The following KCNH8 variants were observed in gnomAD, a reference collection of about 807,000 sequenced individuals.
KCNH8 encodes the protein potassium voltage-gated channel subfamily H member 8, also known as voltage-gated delayed rectifier potassium channel KCNH8.
Under a neutral mutation model 103.6 loss-of-function variants are expected in KCNH8, and 70 were observed. That is an observed-to-expected ratio of 0.68 (90% CI 0.56 to 0.82). The LOEUF is 0.82. Ranked by LOEUF, KCNH8 falls within the 40% of genes least tolerant of loss-of-function variation. The probability of loss-of-function intolerance (pLI) is 0.00; values close to 1 mark genes in which losing one functional copy is unlikely to be tolerated. For missense variants in KCNH8, 1,217 were observed against 1,329.9 expected (o/e 0.92, Z 1.32); for synonymous variants, 498 against 489.4 (o/e 1.02, Z -0.23).
intron 2 of KCNH8, among the ~76,000 whole-genome samples, chr3:19,258,933 C>CTATA (rs2064383720): frequency 2.4e-5 from 2 of 83,540 alleles, no homozygotes; most frequent in African/African-American, 9.8e-5. Flanking sequence ...CTCTCTCTCT[C>CTATA]TCTCTCTCTC....
intron 5 of KCNH8, among the ~76,000 whole-genome samples, chr3:19,373,792 G>A (rs2066143547): frequency 1.3e-5 from 2 of 151,804 alleles, no homozygotes; most frequent in African/African-American, 4.8e-5. Flanking sequence ...GCGTCCCAGA[G>A]ATTCTGGTAT....
intron 1 of KCNH8, among the ~76,000 whole-genome samples, chr3:19,226,622 T>C (rs559951254): frequency 1.5e-5 from 2 of 134,106 alleles, no homozygotes; most frequent in African/African-American, 7.7e-5. Context: ...CACACATGCA[T>C]GCACACACAC....
At chr3:19,340,589 C>T (rs1487973588) in intron 3 of KCNH8, among the ~76,000 whole-genome samples, 1 of 151,828 alleles carries the variant, frequency 6.6e-6, no homozygotes, top group Non-Finnish European at 1.5e-5. Context: ...GAACAGTAGC[C>T]TTTTAGAAAG....
chr3:19,458,514 T>A (rs1172741144), intron 11 of KCNH8, among the ~76,000 whole-genome samples: 1 of 151,938 alleles, frequency 6.6e-6, no homozygotes, highest in East Asian at 1.9e-4. Context: ...TACAAAATGA[T>A]GTTTTCAAAT....
intron 3 of KCNH8, among the ~76,000 whole-genome samples, chr3:19,340,626 T>G (rs956402555): frequency 2.4e-4 from 37 of 152,172 alleles, no homozygotes; most frequent in African/African-American, 8.4e-4. Flanking sequence ...ATCCTTACTT[T>G]TTGTTACTAA....
intron 11 of KCNH8, among the ~76,000 whole-genome samples, chr3:19,490,434 T>C (rs2068294170): frequency 6.6e-6 from 1 of 152,158 alleles, no homozygotes; most frequent in African/African-American, 2.4e-5. Flanking sequence ...GCAGGGAGTA[T>C]GTGACTGGGG....
chr3:19,487,527 G>T (rs146654031), intron 11 of KCNH8, among the ~76,000 whole-genome samples: 1 of 152,114 alleles, frequency 6.6e-6, no homozygotes, highest in Non-Finnish European at 1.5e-5. Flanking sequence ...TCTGGGAACC[G>T]GATACTGCTT....
chr3:19,499,826 T>A (rs545028011), intron 11 of KCNH8, among the ~76,000 whole-genome samples: 1 of 152,254 alleles, frequency 6.6e-6, no homozygotes, highest in East Asian at 1.9e-4. Flanking sequence ...TACCAGCCGC[T>A]GCAAAATCAT....
At chr3:19,152,324 G>A (rs1020787058) in intron 1 of KCNH8, among the ~76,000 whole-genome samples, 14 of 152,026 alleles carry the variant, frequency 9.2e-5, no homozygotes, top group Non-Finnish European at 1.6e-4. Flanking sequence ...TAGTACAATT[G>A]TTTGTCACAG....
At chr3:19,355,139 T>C (rs903790047) in intron 5 of KCNH8, among the ~76,000 whole-genome samples, 18 of 152,090 alleles carry the variant, frequency 1.2e-4, no homozygotes, top group Admixed American at 2.0e-4. Flanking sequence ...AAAATGCTCA[T>C]CATCACTGGA....
At chr3:19,465,990 G>A (rs545143360) in intron 11 of KCNH8, among the ~76,000 whole-genome samples, 37 of 151,802 alleles carry the variant, frequency 2.4e-4, no homozygotes, top group Admixed American at 7.9e-4. Flanking sequence ...GCTGGAGTGC[G>A]GTGGCATGAT....
chr3:19,260,884 T>G (rs2064425173), intron 2 of KCNH8, among the ~76,000 whole-genome samples: 1 of 149,610 alleles, frequency 6.7e-6, no homozygotes, highest in Non-Finnish European at 1.5e-5. Flanking sequence ...CTGGCTTATT[T>G]CACTCAGTAT....
At chr3:19,323,877 G>A (rs1415155459) in intron 3 of KCNH8, among the ~76,000 whole-genome samples, 2 of 152,224 alleles carry the variant, frequency 1.3e-5, no homozygotes, top group African/African-American at 4.8e-5. Context: ...TGTCAGCCAT[G>A]GATGCCATCA....
chr3:19,496,406 G>C (rs968602769), intron 11 of KCNH8, among the ~76,000 whole-genome samples: 2 of 152,098 alleles, frequency 1.3e-5, no homozygotes, highest in African/African-American at 4.8e-5. Context: ...AACATGAAGT[G>C]ATGTTGAATT....
In KCNH8 at chr3:19,271,933, TA is replaced by T. The variant is rs2064594256; in HGVS notation, c.311-9263del. Among the ~76,000 whole-genome samples the T allele has an allele frequency of 2.6e-5, 4 of 152,268 alleles. No individual in the cohort carries two copies. The South Asian group carries it at 8.3e-4, about 32-fold the overall frequency. On this transcript the variant is annotated intron_variant, in intron 2 of 15. Coordinates refer to ENST00000328405, the MANE Select transcript of KCNH8 (RefSeq NM_144633.3). ...TAACACAAATTTGTTCTGATCATCT[TA>T]AGCAAAAATAATAATTCACTGAAAA...
intron 11 of KCNH8, among the ~76,000 whole-genome samples, chr3:19,495,686 G>A (rs924455068): frequency 1.3e-5 from 2 of 151,770 alleles, no homozygotes; most frequent in Non-Finnish European, 2.9e-5. Context: ...TGCTATTCAG[G>A]CTCTTTTTTA....
chr3:19,189,063 G>T (rs1254489721), intron 1 of KCNH8, among the ~76,000 whole-genome samples: 1 of 151,870 alleles, frequency 6.6e-6, no homozygotes, highest in Admixed American at 6.6e-5. Context: ...CCTAGATATT[G>T]GTTAGAACTT....
At chr3:19,463,053 A>G (rs2067666167) in intron 11 of KCNH8, among the ~76,000 whole-genome samples, 1 of 152,222 alleles carries the variant, frequency 6.6e-6, no homozygotes, top group Non-Finnish European at 1.5e-5. Flanking sequence ...ACAATACAGT[A>G]TAACAACTAT....
At chr3:19,469,435 GTTGTTTT>G (rs1008737725) in intron 11 of KCNH8, among the ~76,000 whole-genome samples, 6 of 151,924 alleles carry the variant, frequency 3.9e-5, no homozygotes, top group African/African-American at 9.7e-5. Context: ...TGTTGCTGTT[GTTGTTTT>G]TTGTTTTTTG....
Sources: allele counts gnomAD v4.1 joint callset (sites outside exome capture counted in the v4.1 genomes callset), GRCh38; gene constraint gnomAD v4.1.1; transcripts MANE v1.5; gene names NCBI Gene and HGNC (gene_info 2026-07-23, HGNC 2026-07-21).